PIP4P2: variants seen among roughly 807,000 people sequenced by gnomAD.
The protein encoded by PIP4P2 is phosphatidylinositol-4,5-bisphosphate 4-phosphatase 2.
Under a neutral mutation model 33.3 loss-of-function variants are expected in PIP4P2, and 19 were observed. The observed-to-expected ratio is 0.57, with a 90% CI of 0.40 to 0.84. The LOEUF is 0.84. PIP4P2 is among the 40% of genes least tolerant of loss of function. The pLI, the probability that PIP4P2 is intolerant of heterozygous loss-of-function variation, is 0.00. For synonymous variants in PIP4P2, 110 were observed against 111.9 expected, an observed-to-expected ratio of 0.98 and a Z score of 0.11; for missense variants, 270 against 324.7, an observed-to-expected ratio of 0.83 and a Z score of 1.29.
intron 1 of PIP4P2, among the ~76,000 whole-genome samples, chr8:91,028,213 TATCTTA>T (rs558698829): frequency 3.8e-4 from 58 of 152,344 alleles, no homozygotes; most frequent in African/African-American, 1.3e-3. Context: ...CTTGGTTGTA[TATCTTA>T]GAAAAAACTC....
intron 5 of PIP4P2, among the ~76,000 whole-genome samples, chr8:91,001,325 G>A (rs1296176747): frequency 6.6e-6 from 1 of 151,932 alleles, no homozygotes; most frequent in Non-Finnish European, 1.5e-5. Flanking sequence ...TATTGCCACA[G>A]CTAAAATAGA....
chr8:90,995,942 T>C (rs1481006680), intron 6 of PIP4P2, 122 bp from the exon 7 acceptor site: 27 of 1,100,606 alleles, frequency 2.5e-5, no homozygotes, highest in African/African-American at 3.2e-5. Context: ...ATACACAAAG[T>C]CCTTATAAGA....
At chr8:91,014,944 C>A (rs1034887509) in intron 4 of PIP4P2, among the ~76,000 whole-genome samples, 4 of 151,904 alleles carry the variant, frequency 2.6e-5, no homozygotes, top group African/African-American at 9.7e-5. Flanking sequence ...GGGAAAAAAA[C>A]AGAAGTATTG....
rs755450773 is a variant in PIP4P2 at position 91,040,677 on chromosome 8, C to A, written c.73G>T (p.Ala25Ser). ...CTGCTTTCTTGCAAGTACGGTGGGGCGGTGGGAGTGACATTTCCGGAGTGG... is the reference window on the plus strand; with the variant it reads ...CTGCTTTCTTGCAAGTACGGTGGGGAGGTGGGAGTGACATTTCCGGAGTGG... ...ASHSGNVTPTAPPYLQESSPR... is the reference protein window; with the variant it reads ...ASHSGNVTPTSPPYLQESSPR... Residue 25 changes from alanine to serine, a missense_variant, in exon 1 of 7, where the codon GCC becomes TCC. Transcript: ENST00000285419. 5.0e-6 allele frequency: 8 copies of A among 1,613,552 alleles called. No individual in the cohort carries two copies. Among genetic ancestry groups the A allele is most frequent in the Admixed American group, 3.3e-5 (2 of 60,030 alleles).
intron 1 of PIP4P2, among the ~76,000 whole-genome samples, chr8:91,035,080 G>T (rs1271992306): frequency 6.6e-6 from 1 of 152,014 alleles, no homozygotes; most frequent in East Asian, 1.9e-4. Flanking sequence ...CTCAAAACCA[G>T]GAGTCAATTT....
intron 4 of PIP4P2, among the ~76,000 whole-genome samples, chr8:91,016,427 A>G (rs1811915240): frequency 6.6e-6 from 1 of 152,184 alleles, no homozygotes; most frequent in African/African-American, 2.4e-5. Context: ...ATGAAAGAGG[A>G]AAAAGAAAAA....
intron 5 of PIP4P2, among the ~76,000 whole-genome samples, chr8:91,005,701 T>C (rs1811754263): frequency 6.6e-6 from 1 of 152,218 alleles, no homozygotes; most frequent in Non-Finnish European, 1.5e-5. Context: ...ATAAGCCCAC[T>C]ATTGTTTAAA....
chr8:91,036,717 TC>T (rs1327662895), intron 1 of PIP4P2, among the ~76,000 whole-genome samples: 1 of 152,228 alleles, frequency 6.6e-6, no homozygotes, highest in Non-Finnish European at 1.5e-5. Context: ...AAAGATTTAA[TC>T]CAGTCATCCC....
rs551974848 is a variant in PIP4P2, at chr8:91,021,140, T to G, written c.255+116A>C. On this transcript the variant is annotated intron_variant, in intron 2 of 6. Coordinates refer to ENST00000285419, the MANE Select transcript of PIP4P2 (RefSeq NM_018710.3). Reference sequence around the variant, plus strand: ...CAGAAGAAAAGACAGGAAAAAAGATTACCATATTTGTATCCAGCCCACATA... The same window carrying G: ...CAGAAGAAAAGACAGGAAAAAAGATGACCATATTTGTATCCAGCCCACATA... 1,172 of 1,195,360 alleles carry G rather than the reference T, an allele frequency of 9.8e-4. 20 individuals carry two copies. Among genetic ancestry groups the G allele is most frequent in the Non-Finnish European group, 2.1e-4 (179 of 866,718 alleles). The allele number at this position is 1,195,360 out of a possible 1,614,324, so 74.0% of individuals were successfully genotyped here.
chr8:91,019,493 G>C (rs1269668144), intron 3 of PIP4P2, among the ~76,000 whole-genome samples: 1 of 149,452 alleles, frequency 6.7e-6, no homozygotes, highest in African/African-American at 2.5e-5. Flanking sequence ...TAGTGGGAAG[G>C]CTTTCAGGGC....
intron 1 of PIP4P2, among the ~76,000 whole-genome samples, chr8:91,038,435 C>T (rs1213743822): frequency 6.6e-6 from 1 of 152,114 alleles, no homozygotes; most frequent in Non-Finnish European, 1.5e-5. Context: ...AACTGTCAAC[C>T]CTAACGGTTT....
intron 6 of PIP4P2, 56 bp downstream of exon 6, chr8:90,996,598 T>C (rs1811632019): frequency 4.7e-5 from 69 of 1,467,984 alleles, no homozygotes; most frequent in Admixed American, 5.8e-5. Context: ...GGCCTCATGA[T>C]TGACTACTGA....
chr8:91,017,227 C>T (rs572091777), intron 4 of PIP4P2, among the ~76,000 whole-genome samples: 1 of 152,068 alleles, frequency 6.6e-6, no homozygotes, highest in South Asian at 2.1e-4. Flanking sequence ...TATGTAACCC[C>T]ATCTGTACTA....
rs149960837 is a variant in PIP4P2 at position 91,030,384 on chromosome 8, G to C, written c.107-8980C>G. On this transcript the variant is annotated intron_variant, in intron 1 of 6. Coordinates refer to ENST00000285419, the MANE Select transcript of PIP4P2 (RefSeq NM_018710.3). ...CTTTATAGGCTGGAGTAATCAAGCA[G>C]GATGAAATAACATATGCAACTGCAA... 3.1e-3 allele frequency among the ~76,000 whole-genome samples: 477 copies of C among 152,200 alleles called. 5 individuals carry two copies. The highest frequency in any genetic ancestry group is 0.011 in the African/African-American group (458 of 41,528).
intron 1 of PIP4P2, among the ~76,000 whole-genome samples, chr8:91,023,868 C>G (rs925088197): frequency 9.2e-5 from 14 of 152,006 alleles, no homozygotes; most frequent in African/African-American, 3.4e-4. Flanking sequence ...AAAAATAACA[C>G]CAAGTATTAG....
chr8:91,025,742 C>T (rs1812074476), intron 1 of PIP4P2, among the ~76,000 whole-genome samples: 2 of 152,128 alleles, frequency 1.3e-5, no homozygotes, highest in Admixed American at 1.3e-4. Flanking sequence ...TGAGGAAAGC[C>T]TGGCTTTTTT....
rs959861375 is a variant in PIP4P2 at position 91,040,829 on chromosome 8, T to C, written c.-80A>G. Reference sequence around the variant, plus strand: ...GAGTGGTGGCTACTGCTGCTGCCTCTGCTGCCGCTGCTGCCGCTGCAGCTG... The same window carrying C: ...GAGTGGTGGCTACTGCTGCTGCCTCCGCTGCCGCTGCTGCCGCTGCAGCTG... On this transcript the variant is annotated 5_prime_UTR_variant, in exon 1 of 7. Transcript: ENST00000285419. 6.9e-6 allele frequency: 8 copies of C among 1,151,446 alleles called. No homozygotes were observed. The highest frequency in any genetic ancestry group is 3.2e-5 in the African/African-American group (2 of 63,270). The allele number at this position is 1,151,446 out of a possible 1,614,324, so 71.3% of individuals were successfully genotyped here.
chr8:91,015,662 C>T (rs1471485052), intron 4 of PIP4P2, among the ~76,000 whole-genome samples: 2 of 152,162 alleles, frequency 1.3e-5, no homozygotes, highest in Non-Finnish European at 2.9e-5. Flanking sequence ...AGGGTACACT[C>T]GCCAGCAGTT....
At chr8:91,011,844 G>A (rs1811841521) in intron 4 of PIP4P2, among the ~76,000 whole-genome samples, 1 of 151,972 alleles carries the variant, frequency 6.6e-6, no homozygotes, top group South Asian at 2.1e-4. Flanking sequence ...ATAAACAGAA[G>A]GATGCTGTGA....
Sources: gnomAD v4.1 joint callset for allele counts (sites outside exome capture counted in the v4.1 genomes callset) on GRCh38, gnomAD v4.1.1 for gene constraint, MANE v1.5 for transcripts, NCBI Gene and HGNC (gene_info 2026-07-23, HGNC 2026-07-21) for gene names.